The following IRX2 variants were observed in gnomAD, a reference collection of about 807,000 sequenced individuals.
IRX2 encodes iroquois homeobox 2.
IRX2 carries 26 observed loss-of-function variants against 42.9 expected under a neutral mutation model. The observed-to-expected ratio is 0.61, with a 90% confidence interval of 0.44 to 0.84. The LOEUF (loss-of-function observed/expected upper bound fraction) is 0.84. Among genes scored for constraint, IRX2 ranks in the 40% least tolerant of loss-of-function variants. The probability of loss-of-function intolerance (pLI) is 0.00; values close to 1 mark genes in which losing one functional copy is unlikely to be tolerated. For synonymous variants in IRX2, 424 were observed against 353.9 expected, an observed-to-expected ratio of 1.20 and a Z score of -2.22; for missense variants, 782 against 713.9, an observed-to-expected ratio of 1.10 and a Z score of -1.09.
intron 3 of IRX2, among the ~76,000 whole-genome samples, chr5:2,748,088 T>G (rs1398791425): frequency 6.6e-6 from 1 of 152,152 alleles, no homozygotes. Flanking sequence ...TTGCCGAAAC[T>G]AAGACAGCCA....
chr5:2,744,029 G>A (rs1737602929), downstream of IRX2, among the ~76,000 whole-genome samples: 1 of 151,776 alleles, frequency 6.6e-6, no homozygotes, highest in South Asian at 2.1e-4. Context: ...GCTGCTTTGA[G>A]TTTTCACCAA....
Position 2,746,484 on chromosome 5 carries a change from G to A in IRX2, c.*1080C>T, listed in dbSNP as rs776311040. The A allele has an allele frequency of 3.9e-5, 6 of 152,064 alleles. No individual in the cohort carries two copies. Among genetic ancestry groups the A allele is most frequent in the Admixed American group, 2.6e-4 (4 of 15,268 alleles). The allele number at this position is 152,064 out of a possible 1,614,324, so 9.4% of individuals were successfully genotyped here. A position where few individuals can be genotyped will look rare whatever the true frequency, so the allele number is the denominator to read the frequency against. On this transcript the variant is annotated 3_prime_UTR_variant, in exon 4 of 4. Transcript: ENST00000302057. ...CTATCACACCTATAGAATATATACC[G>A]TGGCAATGAAGTGATCAATTCAAGA...
Position 2,747,317 on chromosome 5 carries a change from A to AT in IRX2, c.*246dup. The AT allele has an allele frequency of 8.1e-6, 2 of 247,732 alleles. No homozygotes were observed. Among genetic ancestry groups the AT allele is most frequent in the South Asian group, 6.1e-5 (1 of 16,460 alleles). 15.3% of individuals were successfully genotyped at this position (247,732 alleles called of 1,614,324 possible). A position where few individuals can be genotyped will look rare whatever the true frequency, so the allele number is the denominator to read the frequency against. On this transcript the variant is annotated 3_prime_UTR_variant, in exon 4 of 4. Transcript: ENST00000302057. ...CACACACACACACACATATATATAT[A>AT]TATTTTTTTTTTCCTTCCCTAGGTA...
chr5:2,741,424 G>A (rs1438834231), downstream of IRX2, among the ~76,000 whole-genome samples: 1 of 152,090 alleles, frequency 6.6e-6, no homozygotes, highest in Non-Finnish European at 1.5e-5. Flanking sequence ...ATGGAGGCAA[G>A]GAGGGAATTT....
At position 2,748,821 on chromosome 5, in the gene IRX2, A is replaced by AC; in HGVS notation, c.886_887insG (p.Leu296ArgfsTer216). 6.6e-7 allele frequency: 1 copy of AC among 1,522,122 alleles called. No homozygotes were observed. The highest frequency in any genetic ancestry group is 8.7e-7 in the Non-Finnish European group (1 of 1,144,346). The allele number at this position is 1,522,122 out of a possible 1,614,324, so 94.3% of individuals were successfully genotyped here. On this transcript the variant is annotated frameshift_variant, in exon 3 of 4. Coordinates refer to ENST00000302057, the MANE Select transcript of IRX2 (RefSeq NM_033267.5). LOFTEE classifies it high-confidence loss of function. ...GGGCGCGGCCTCGGGCGGGGGGCTC[A>AC]GCAGCGGCGCCTCCAAGCCGGTAAG...
At position 2,748,378 on chromosome 5, in the gene IRX2, G is replaced by C. The variant is rs1737760531; in HGVS notation, c.1330C>G (p.Arg444Gly). ...AGAHPLESHY[R>G]SPGGGYEPKK... ...GGCTCGTAGCCGCCGCCCGGGGACC[G>C]GTAGTGGGACTCGAGCGGGTGCGCG... The change falls in exon 3 of 4, where the codon CGG (arginine) becomes GGG (glycine). Residue 444 changes from arginine to glycine, a missense_variant. Arg to Gly is a moderately radical substitution (Grantham distance 125, BLOSUM62 -2). Transcript: ENST00000302057. 2 of 1,471,270 alleles carry C rather than the reference G, an allele frequency of 1.4e-6. No homozygotes were observed. The highest frequency in any genetic ancestry group is 3.0e-5 in the East Asian group (1 of 33,488). 91.1% of individuals were successfully genotyped at this position (1,471,270 alleles called of 1,614,324 possible).
downstream of IRX2, among the ~76,000 whole-genome samples, chr5:2,745,535 T>A (rs546449061): frequency 6.6e-6 from 1 of 152,278 alleles, no homozygotes; most frequent in African/African-American, 2.4e-5. Flanking sequence ...AAAGAGGCAG[T>A]AGTCTAAGGT....
chr5:2,745,513 G>C (rs1244439766), downstream of IRX2, among the ~76,000 whole-genome samples: 2 of 152,158 alleles, frequency 1.3e-5, no homozygotes, highest in Non-Finnish European at 1.5e-5. Flanking sequence ...ATTAGAAAGT[G>C]AGTAACACAA....
At chr5:2,745,994 A>G (rs947114219), downstream of IRX2, 1 of 147,792 alleles carries the variant, frequency 6.8e-6, no homozygotes. Context: ...TCCCGATTAT[A>G]TACTTCTCTT....
At position 2,747,622 on chromosome 5, in the gene IRX2, A is replaced by C; in HGVS notation, c.1364-6T>G. 1 of 1,613,828 alleles carries C rather than the reference A, an allele frequency of 6.2e-7. No individual in the cohort carries two copies. Among genetic ancestry groups the C allele is most frequent in the Non-Finnish European group, 8.5e-7 (1 of 1,179,884 alleles). On this transcript the variant is annotated splice_region_variant and splice_polypyrimidine_tract_variant and intron_variant, in intron 3 of 3. Coordinates refer to ENST00000302057, the MANE Select transcript of IRX2 (RefSeq NM_033267.5). ...GGTGCAGCCCTCGCTGGCATCTGTCAGGGGAGTGGGCAGTTAGTCAGAACC... is the reference window on the plus strand; with the variant it reads ...GGTGCAGCCCTCGCTGGCATCTGTCCGGGGAGTGGGCAGTTAGTCAGAACC...
At chr5:2,744,023 C>T (rs1737602725), downstream of IRX2, among the ~76,000 whole-genome samples, 1 of 151,422 alleles carries the variant, frequency 6.6e-6, no homozygotes, top group Non-Finnish European at 1.5e-5. Flanking sequence ...TCCTGAGCTG[C>T]TTTGAGTTTT....
downstream of IRX2, among the ~76,000 whole-genome samples, chr5:2,741,911 C>T (rs902053011): frequency 6.6e-6 from 1 of 152,206 alleles, no homozygotes; most frequent in Admixed American, 6.5e-5. Flanking sequence ...AAAAAAAATT[C>T]TTCCTCTTTC....
chr5:2,749,334 C>A (rs950218217), intron 2 of IRX2, 48 bp downstream of exon 2: 19 of 1,543,698 alleles, frequency 1.2e-5, no homozygotes, highest in Non-Finnish European at 1.7e-5. Context: ...TGCGCCCCGC[C>A]TGGGAAGAAA....
chr5:2,747,350 G>A lies in IRX2; in HGVS notation c.*214C>T. 2.1e-6 allele frequency: 1 copy of A among 465,146 alleles called. No homozygotes were observed. The highest frequency in any genetic ancestry group is 3.9e-6 in the Non-Finnish European group (1 of 255,744). The allele number at this position is 465,146 out of a possible 1,614,324, so 28.8% of individuals were successfully genotyped here. On this transcript the variant is annotated 3_prime_UTR_variant, in exon 4 of 4. Coordinates refer to ENST00000302057, the MANE Select transcript of IRX2 (RefSeq NM_033267.5). ...TTTTTCCTTCCCTAGGTAAAGGAGT[G>A]ATAGAACTTGTGCCAAAAAGAGGGA... is the stretch of plus-strand genomic sequence containing the variant.
At chr5:2,740,774 C>T in the IRX2 span, among the ~76,000 whole-genome samples, 1 of 152,158 alleles carries the variant, frequency 6.6e-6, no homozygotes, top group Admixed American at 6.5e-5. Context: ...GCCGGGCCAG[C>T]GCCTCCAGCT....
At chr5:2,737,722 T>C in the IRX2 span, 1 of 152,310 alleles carries the variant, frequency 6.6e-6, no homozygotes, top group Admixed American at 6.5e-5. Context: ...CTACCCGTAG[T>C]AGTCATTACC....
chr5:2,740,211 A>T, the IRX2 span, among the ~76,000 whole-genome samples: 1 of 150,672 alleles, frequency 6.6e-6, no homozygotes, highest in Non-Finnish European at 1.5e-5. Flanking sequence ...CATCAGGCTG[A>T]CTTCAGGGTC....
In IRX2 at chr5:2,749,792, A is replaced by C; in HGVS notation, c.250-5T>G. The C allele has an allele frequency of 6.3e-7, 1 of 1,595,466 alleles. No homozygotes were observed. Among genetic ancestry groups the C allele is most frequent in the Non-Finnish European group, 8.5e-7 (1 of 1,171,824 alleles). On this transcript the variant is annotated splice_region_variant and splice_polypyrimidine_tract_variant and intron_variant, in intron 1 of 3. Coordinates refer to ENST00000302057, the MANE Select transcript of IRX2 (RefSeq NM_033267.5). ...GTGCGCGTCGTAGGGTGCGCCCTGG[A>C]ACCAACAAGAGCCTGTGAGTGGAGT... is the stretch of plus-strand genomic sequence containing the variant.
chr5:2,750,348 C>G lies in IRX2; in HGVS notation c.250-561G>C, dbSNP rs184954822. On this transcript the variant is annotated intron_variant, in intron 1 of 3. Coordinates refer to ENST00000302057, the MANE Select transcript of IRX2 (RefSeq NM_033267.5). ...TTAACGTTTAAATTCGAGGCATTTG[C>G]AGCCTTCGCCAAGGCCCCAGCGACT... is the stretch of plus-strand genomic sequence containing the variant. Among the ~76,000 whole-genome samples, 543 of 152,384 alleles carry G rather than the reference C, an allele frequency of 3.6e-3. 3 individuals are homozygous for G. Among genetic ancestry groups the G allele is most frequent in the African/African-American group, 0.012 (506 of 41,598 alleles).
Sources: allele counts gnomAD v4.1 joint callset (sites outside exome capture counted in the v4.1 genomes callset), GRCh38; gene constraint gnomAD v4.1.1; transcripts MANE v1.5; gene names NCBI Gene and HGNC (gene_info 2026-07-23, HGNC 2026-07-21).